The following GMEB1 variants were observed in gnomAD, a reference collection of about 807,000 sequenced individuals.
GMEB1 encodes glucocorticoid modulatory element-binding protein 1.
Under a neutral mutation model 52.4 loss-of-function variants are expected in GMEB1, and 6 were observed. The ratio of observed to expected loss-of-function variants is 0.11; its 90% CI spans 0.06 to 0.23. The LOEUF (loss-of-function observed/expected upper bound fraction) is 0.23. GMEB1 is among the 10% of genes least tolerant of loss of function. The pLI is 1.00. For synonymous variants in GMEB1, 255 were observed against 244.9 expected, an observed-to-expected ratio of 1.04 and a Z score of -0.38; for missense variants, 486 against 685.6, an observed-to-expected ratio of 0.71 and a Z score of 3.25.
At chr1:28,675,306 C>T (rs113014128) in intron 1 of GMEB1, among the ~76,000 whole-genome samples, 6,472 of 152,000 alleles carry the variant, frequency 0.043, 420 homozygotes, top group African/African-American at 0.15. Flanking sequence ...CGTGAGCCAC[C>T]GCGCCCGGCC....
At chr1:28,681,234 T>C (rs1357552683) in intron 1 of GMEB1, among the ~76,000 whole-genome samples, 1 of 151,554 alleles carries the variant, frequency 6.6e-6, no homozygotes, top group African/African-American at 2.4e-5. Flanking sequence ...TTCAAGTAAA[T>C]CACAAAATGG....
chr1:28,689,396 G>A (rs924103235), intron 2 of GMEB1, among the ~76,000 whole-genome samples: 1 of 152,026 alleles, frequency 6.6e-6, no homozygotes, highest in African/African-American at 2.4e-5. Flanking sequence ...GGAGGCCGAG[G>A]CAGGCGGATC....
chr1:28,704,753 G>A (rs762778424), intron 8 of GMEB1, among the ~76,000 whole-genome samples: 1 of 151,800 alleles, frequency 6.6e-6, no homozygotes, highest in Non-Finnish European at 1.5e-5. Flanking sequence ...GATTACAGGC[G>A]CCCACCACCA....
intron 9 of GMEB1, among the ~76,000 whole-genome samples, chr1:28,712,586 C>T (rs967403541): frequency 2.6e-5 from 4 of 151,938 alleles, no homozygotes; most frequent in African/African-American, 9.7e-5. Flanking sequence ...TTTGGGAGGC[C>T]GAGGTGGGCG....
intron 8 of GMEB1, among the ~76,000 whole-genome samples, chr1:28,706,982 T>TG (rs1670809650): frequency 1.6e-5 from 2 of 123,478 alleles, no homozygotes; most frequent in Non-Finnish European, 3.4e-5. Context: ...ATTTGGTTTT[T>TG]TTTTTTTTTT....
chr1:28,709,330 A>G (rs368949096), intron 8 of GMEB1, among the ~76,000 whole-genome samples: 18 of 152,154 alleles, frequency 1.2e-4, no homozygotes, highest in African/African-American at 4.3e-4. Flanking sequence ...TAATAAAAAT[A>G]ATAATCTTGC....
At chr1:28,672,277 A>C (rs1570372729) in intron 1 of GMEB1, among the ~76,000 whole-genome samples, 1 of 146,972 alleles carries the variant, frequency 6.8e-6, no homozygotes. Flanking sequence ...CTGGAGTGCA[A>C]TGGCGCGATC....
At chr1:28,706,331 G>A (rs906586708) in intron 8 of GMEB1, among the ~76,000 whole-genome samples, 1 of 151,886 alleles carries the variant, frequency 6.6e-6, no homozygotes, top group African/African-American at 2.4e-5. Context: ...TGGGCCAGGC[G>A]TTGTGGCTCA....
intron 3 of GMEB1, among the ~76,000 whole-genome samples, chr1:28,690,406 T>C (rs997432630): frequency 6.6e-6 from 1 of 151,934 alleles, no homozygotes; most frequent in Admixed American, 6.6e-5. Flanking sequence ...TAATGTCAAT[T>C]TGGAAGGGTA....
In GMEB1 at chr1:28,690,203, GTTTTTTT is replaced by G. The variant is rs878890649; in HGVS notation, c.211+32_211+38del. On this transcript the variant is annotated intron_variant, in intron 3 of 9. Coordinates refer to ENST00000373816, the MANE Select transcript of GMEB1 (RefSeq NM_001319674.2). ...AAGGGATTGGTAAGGGTTTTTTTGT[GTTTTTTT>G]TTTTTTTTTTTTTTGTCATTCTAAT... 8.7e-5 allele frequency: 45 copies of G among 516,128 alleles called. No homozygotes were observed. The highest frequency in any genetic ancestry group is 4.3e-4 in the Admixed American group (10 of 23,190). The allele number at this position is 516,128 out of a possible 1,614,324, so 32.0% of individuals were successfully genotyped here. A position where few individuals can be genotyped will look rare whatever the true frequency, so the allele number is the denominator to read the frequency against.
intron 2 of GMEB1, among the ~76,000 whole-genome samples, chr1:28,688,892 G>GTTTTTTTTTTT (rs1324852304): frequency 1.0e-5 from 1 of 97,154 alleles, no homozygotes; most frequent in Non-Finnish European, 2.1e-5. Flanking sequence ...GGCATTTAAA[G>GTTTTTTTTTTT]TTTTTTTTTT....
chr1:28,670,062 A>C (rs1266056903), intron 1 of GMEB1, among the ~76,000 whole-genome samples: 1 of 152,180 alleles, frequency 6.6e-6, no homozygotes, highest in Admixed American at 6.5e-5. Flanking sequence ...GTTTTAGGAA[A>C]AGAGACTGTC....
intron 1 of GMEB1, among the ~76,000 whole-genome samples, chr1:28,676,709 A>G (rs1209122460): frequency 6.7e-6 from 1 of 149,974 alleles, no homozygotes; most frequent in Non-Finnish European, 1.5e-5. Context: ...TGGGTGACAG[A>G]GCAAGACTCC....
chr1:28,676,724 C>CAAAA (rs756485511), intron 1 of GMEB1, among the ~76,000 whole-genome samples: 3 of 145,626 alleles, frequency 2.1e-5, no homozygotes, highest in East Asian at 4.1e-4. Flanking sequence ...GACTCCGTCT[C>CAAAA]AAAAAAAAAT....
chr1:28,693,304 C>T (rs1306930348), intron 5 of GMEB1, among the ~76,000 whole-genome samples: 2 of 151,138 alleles, frequency 1.3e-5, no homozygotes, highest in Non-Finnish European at 1.5e-5. Context: ...CTGCAACCTC[C>T]GCCTCCCGGG....
chr1:28,684,243 A>G (rs1206399485), intron 2 of GMEB1, among the ~76,000 whole-genome samples: 1 of 152,114 alleles, frequency 6.6e-6, no homozygotes, highest in African/African-American at 2.4e-5. Context: ...CCAGCACATT[A>G]TCATTTCATC....
chr1:28,706,980 T>C (rs928485748), intron 8 of GMEB1, among the ~76,000 whole-genome samples: 1 of 125,236 alleles, frequency 8.0e-6, no homozygotes, highest in Non-Finnish European at 1.7e-5. Flanking sequence ...AGATTTGGTT[T>C]TTTTTTTTTT....
rs1045574096 is a variant in GMEB1, at chr1:28,706,791, A to G, written c.868+2462A>G. ...GTGATTCTCCTGTCTCAGCCTCCTG[A>G]CTAGCTGGAATTACAGGCAAATACC... On this transcript the variant is annotated intron_variant, in intron 8 of 9. Coordinates refer to ENST00000373816, the MANE Select transcript of GMEB1 (RefSeq NM_001319674.2). Among the ~76,000 whole-genome samples, 14 of 150,656 alleles carry G rather than the reference A, an allele frequency of 9.3e-5. No homozygotes were observed. In the South Asian group the frequency reaches 2.7e-3, roughly 30 times the overall value.
In GMEB1 at chr1:28,670,153, T is replaced by TTTTA. The variant is rs71027286; in HGVS notation, c.-31+1334_-31+1337dup. Reference sequence around the variant, plus strand: ...TTACCAAAGTGCATTTGGGGACCCTTTTTATTTATTTATTTATTTATTTGT... The same window carrying TTTTA: ...TTACCAAAGTGCATTTGGGGACCCTTTTTATTTATTTATTTATTTATTTATTTGT... On this transcript the variant is annotated intron_variant, in intron 1 of 9. Transcript: ENST00000373816. Among the ~76,000 whole-genome samples the TTTTA allele has an allele frequency of 8.1e-3, 1,221 of 150,816 alleles. 10 individuals are homozygous for TTTTA. The highest frequency in any genetic ancestry group is 0.027 in the African/African-American group (1,100 of 41,308).
Sources: gnomAD v4.1 joint callset for allele counts (sites outside exome capture counted in the v4.1 genomes callset) on GRCh38, gnomAD v4.1.1 for gene constraint, MANE v1.5 for transcripts, NCBI Gene and HGNC (gene_info 2026-07-23, HGNC 2026-07-21) for gene names.